Variants in KDM6A observed in about 807,000 individuals in gnomAD.
The protein encoded by KDM6A is lysine demethylase 6A.
In KDM6A, 11 loss-of-function variants were observed where a neutral mutation model predicts 117.6. The observed-to-expected ratio is 0.09, with a 90% CI of 0.06 to 0.15. The LOEUF (loss-of-function observed/expected upper bound fraction) is 0.15, where lower values mean the gene tolerates loss of function less well. Among genes scored for constraint, KDM6A ranks in the 10% least tolerant of loss-of-function variants. The pLI, the probability that KDM6A is intolerant of heterozygous loss-of-function variation, is 1.00. For synonymous variants in KDM6A, 384 were observed against 396.1 expected, an observed-to-expected ratio of 0.97 and a Z score of 0.36; for missense variants, 799 against 1,077.3, an observed-to-expected ratio of 0.74 and a Z score of 3.62.
intron 2 of KDM6A, among the ~76,000 whole-genome samples, chrX:44,948,937 C>T (rs1003366192): frequency 1.8e-5 from 2 of 111,579 alleles, no homozygotes; most frequent in African/African-American, 3.3e-5. Flanking sequence ...GGAACTTATC[C>T]TAATAATAGC....
intron 26 of KDM6A, 35 bp from the exon 27 acceptor site, chrX:45,090,688 T>A: frequency 8.3e-7 from 1 of 1,203,045 alleles, no homozygotes; most frequent in Non-Finnish European, 1.1e-6. Context: ...TTTTGGTACT[T>A]TGGGTTGCTT....
rs779223449 is a variant in KDM6A, at chrX:45,020,456, A to G, written c.444-154A>G. The stretch of plus-strand genomic sequence containing the variant: ...TAAAAGGTCCATATGCCCCTTTTCA[A>G]TTTTACTTTTTTAGTATTTATTAAC... On this transcript the variant is annotated intron_variant, in intron 5 of 29. Transcript: ENST00000611820. Among the ~76,000 whole-genome samples the G allele has an allele frequency of 8.6e-4, 96 of 111,809 alleles. 1 individual carries two copies. The highest frequency in any genetic ancestry group is 1.6e-3 in the Non-Finnish European group (86 of 53,046).
chrX:44,918,205 C>G (rs1442320865), intron 2 of KDM6A, among the ~76,000 whole-genome samples: 2 of 111,261 alleles, frequency 1.8e-5, no homozygotes, highest in African/African-American at 6.5e-5. Flanking sequence ...GAACTAAACC[C>G]AGTACAAAAA....
chrX:45,111,497 G>T lies in KDM6A; in HGVS notation c.*86G>T, dbSNP rs957312603. The T allele has an allele frequency of 3.6e-6, 3 of 834,092 alleles. No homozygotes were observed. The highest frequency in any genetic ancestry group is 4.1e-5 in the African/African-American group (2 of 49,335). The allele number at this position is 834,092 out of a possible 1,213,427, so 68.7% of individuals were successfully genotyped here. The stretch of plus-strand genomic sequence containing the variant: ...CACCACTGGTTTTTGTAGCTATCTC[G>T]TAAGGCTGCTGGCTGAAAACTGTGT... On this transcript the variant is annotated 3_prime_UTR_variant, in exon 30 of 30. Coordinates refer to ENST00000611820, the MANE Select transcript of KDM6A (RefSeq NM_001291415.2).
chrX:45,069,626 A>G lies in KDM6A; in HGVS notation c.2127A>G (p.Glu709=), dbSNP rs1188512257. The G allele has an allele frequency of 1.7e-6, 2 of 1,208,834 alleles. No individual in the cohort carries two copies. Among genetic ancestry groups the G allele is most frequent in the South Asian group, 1.8e-5 (1 of 56,700 alleles). Residue 709 remains glutamate (E), a synonymous_variant, in exon 18 of 30, where the codon GAA becomes GAG. Transcript: ENST00000611820. ...QSSHSAGPNG[E]RPLSSTGPSQ... The stretch of plus-strand genomic sequence containing the variant: ...CACATTCGGCAGGTCCTAATGGTGA[A>G]CGACCTCTCTCTTCCACTGGGCCTT...
chrX:44,963,297 T>TA (rs903739439), intron 3 of KDM6A, among the ~76,000 whole-genome samples: 18 of 105,375 alleles, frequency 1.7e-4, no homozygotes, highest in East Asian at 6.0e-4. Context: ...CCCCCTATCT[T>TA]AAAAAAAAAA....
intron 29 of KDM6A, 72 bp downstream of exon 29, chrX:45,110,321 TAAG>T (rs2046720292): frequency 2.2e-6 from 2 of 913,196 alleles, no homozygotes; most frequent in Non-Finnish European, 3.2e-6. Flanking sequence ...TGCCACCTGA[TAAG>T]TAGGAGGTAA....
chrX:44,919,889 C>A (rs979382401), intron 2 of KDM6A, among the ~76,000 whole-genome samples: 1 of 111,715 alleles, frequency 9.0e-6, no homozygotes, highest in African/African-American at 3.3e-5. Flanking sequence ...GGATTACAGG[C>A]GTGAGCCACC....
rs971357798 is a variant in KDM6A at position 44,955,496 on chromosome X, T to TA, written c.226-5779dup. ...ACAGGTATTATCTAGTTTAGTACCT[T>TA]AAAAAAAAACTAGTGCAAAATATAC... On this transcript the variant is annotated intron_variant, in intron 2 of 29. Transcript: ENST00000611820. Among the ~76,000 whole-genome samples the TA allele has an allele frequency of 5.0e-4, 55 of 109,717 alleles. 1 individual carries two copies. Among genetic ancestry groups the TA allele is most frequent in the Admixed American group, 3.0e-3 (31 of 10,234 alleles).
chrX:44,953,063 G>A (rs2038114827), intron 2 of KDM6A, among the ~76,000 whole-genome samples: 1 of 110,378 alleles, frequency 9.1e-6, no homozygotes, highest in Non-Finnish European at 1.9e-5. Flanking sequence ...CCATTGCACC[G>A]AACTTTGTTT....
intron 2 of KDM6A, among the ~76,000 whole-genome samples, chrX:44,938,330 C>T (rs1307120219): frequency 9.0e-6 from 1 of 111,710 alleles, no homozygotes; most frequent in East Asian, 2.8e-4. Flanking sequence ...GCAGAACAGC[C>T]TCACTGCTGA....
At chrX:45,058,391 G>A (rs925679222) in intron 10 of KDM6A, among the ~76,000 whole-genome samples, 2 of 109,733 alleles carry the variant, frequency 1.8e-5, no homozygotes, top group Non-Finnish European at 3.8e-5. Context: ...TCCTTGAATC[G>A]TTAATCTTAC....
At chrX:44,987,433 A>T (rs1224899256) in intron 4 of KDM6A, among the ~76,000 whole-genome samples, 2 of 111,153 alleles carry the variant, frequency 1.8e-5, no homozygotes, top group African/African-American at 6.6e-5. Flanking sequence ...ATTATGTGTG[A>T]ATCTGATCCT....
chrX:45,030,811 G>A lies in KDM6A; in HGVS notation c.565-4120G>A, dbSNP rs779244399. Among the ~76,000 whole-genome samples, 4 of 111,369 alleles carry A rather than the reference G, an allele frequency of 3.6e-5. No homozygotes were observed. The South Asian group carries it at 1.5e-3, about 42-fold the overall frequency. On this transcript the variant is annotated intron_variant, in intron 6 of 29. Transcript: ENST00000611820. ...TGCAACCTTCGCTTCCTGGGTTCAAGCGATTCTCATGCCTCAGCCACCTGA... is the reference window on the plus strand; with the variant it reads ...TGCAACCTTCGCTTCCTGGGTTCAAACGATTCTCATGCCTCAGCCACCTGA...
At chrX:44,992,006 T>C (rs777692118) in intron 4 of KDM6A, among the ~76,000 whole-genome samples, 1 of 110,707 alleles carries the variant, frequency 9.0e-6, no homozygotes, top group East Asian at 2.8e-4. Flanking sequence ...TGGTTTTTAA[T>C]GCCCCATCAG....
At chrX:45,042,054 A>G (rs1173212819) in intron 8 of KDM6A, among the ~76,000 whole-genome samples, 17 of 110,284 alleles carry the variant, frequency 1.5e-4, no homozygotes, top group Non-Finnish European at 3.8e-5. Context: ...GCTGGAGACC[A>G]GCCCGGTCAA....
chrX:44,909,034 C>T (rs1403015892), intron 2 of KDM6A, among the ~76,000 whole-genome samples: 1 of 112,070 alleles, frequency 8.9e-6, no homozygotes, highest in Non-Finnish European at 1.9e-5. Context: ...TTGGTAAATG[C>T]TACCTCAAAT....
chrX:45,037,827 A>G, intron 8 of KDM6A, 138 bp downstream of exon 8: 1 of 491,001 alleles, frequency 2.0e-6, no homozygotes, highest in Non-Finnish European at 3.5e-6. Flanking sequence ...TTTGTATTTT[A>G]TACTCATTAA....
chrX:44,883,952 AT>A (rs2032569744), intron 2 of KDM6A, among the ~76,000 whole-genome samples: 2 of 108,762 alleles, frequency 1.8e-5, no homozygotes, highest in African/African-American at 6.7e-5. Context: ...AAAATACAAA[AT>A]TAACCGGGTG....
Sources: allele counts gnomAD v4.1 joint callset (sites outside exome capture counted in the v4.1 genomes callset), GRCh38; gene constraint gnomAD v4.1.1; transcripts MANE v1.5; gene names NCBI Gene and HGNC (gene_info 2026-07-23, HGNC 2026-07-21).